MRTFA: variants seen among roughly 807,000 people sequenced by gnomAD.
The protein encoded by MRTFA is myocardin related transcription factor A.
Under a neutral mutation model 83.5 loss-of-function variants are expected in MRTFA, and 20 were observed. The ratio of observed to expected loss-of-function variants is 0.24; its 90% CI spans 0.17 to 0.35. MRTFA has a LOEUF of 0.35. Among genes scored for constraint, MRTFA ranks in the 10% least tolerant of loss-of-function variants. The pLI is 1.00. For missense variants in MRTFA, 1,200 were observed against 1,224.7 expected (o/e 0.98, Z 0.30); for synonymous variants, 659 against 541.2 (o/e 1.22, Z -3.02).
At chr22:40,422,795 G>C (rs1057497358) in intron 9 of MRTFA, among the ~76,000 whole-genome samples, 3 of 152,228 alleles carry the variant, frequency 2.0e-5, no homozygotes, top group Non-Finnish European at 4.4e-5. Context: ...GCTGCAGACT[G>C]TCAGCCTCTC....
chr22:40,550,630 A>T (rs2055429502), intron 3 of MRTFA, among the ~76,000 whole-genome samples: 1 of 152,130 alleles, frequency 6.6e-6, no homozygotes, highest in South Asian at 2.1e-4. Flanking sequence ...AGAACACATA[A>T]TTTTCTCTCA....
intron 2 of MRTFA, among the ~76,000 whole-genome samples, chr22:40,592,198 G>A (rs150409981): frequency 3.4e-5 from 5 of 149,130 alleles, no homozygotes; most frequent in African/African-American, 7.4e-5. Context: ...GGAGGCCGGG[G>A]TAGGAGAATT....
intron 7 of MRTFA, 61 bp downstream of exon 7, chr22:40,429,545 G>C: frequency 6.3e-7 from 1 of 1,595,488 alleles, no homozygotes; most frequent in East Asian, 2.2e-5. Flanking sequence ...CTTCAGCCTG[G>C]CACTCCCTCC....
intron 1 of MRTFA, among the ~76,000 whole-genome samples, chr22:40,598,635 G>A (rs2056219964): frequency 6.6e-6 from 1 of 151,960 alleles, no homozygotes; most frequent in African/African-American, 2.4e-5. Context: ...TTCCCTAACT[G>A]GGAAGATTTT....
At chr22:40,569,097 A>C (rs945291357) in intron 2 of MRTFA, among the ~76,000 whole-genome samples, 3 of 152,316 alleles carry the variant, frequency 2.0e-5, no homozygotes, top group East Asian at 1.9e-4. Context: ...TATCAATAAG[A>C]AGCAGAAAAT....
chr22:40,417,593 C>G, intron 12 of MRTFA, 100 bp from the exon 13 acceptor site: 1 of 775,692 alleles, frequency 1.3e-6, no homozygotes. Context: ...GGGCCTCTCA[C>G]ACTCTAGGAG....
chr22:40,533,902 T>TCCTC (rs2055124150), intron 3 of MRTFA: 1 of 329,440 alleles, frequency 3.0e-6, no homozygotes. Flanking sequence ...GTGAGCAAGC[T>TCCTC]CCTCCCCTTG....
At chr22:40,585,156 C>A (rs760011469) in intron 2 of MRTFA, among the ~76,000 whole-genome samples, 2 of 152,224 alleles carry the variant, frequency 1.3e-5, no homozygotes, top group Non-Finnish European at 1.5e-5. Flanking sequence ...GAAGAGGAAA[C>A]AAGGCAGTCC....
At chr22:40,594,181 A>C (rs1602474228) in intron 2 of MRTFA, among the ~76,000 whole-genome samples, 1 of 152,362 alleles carries the variant, frequency 6.6e-6, no homozygotes, top group East Asian at 1.9e-4. Context: ...ATCAGTAACA[A>C]AATTTACAGT....
intron 4 of MRTFA, among the ~76,000 whole-genome samples, chr22:40,435,930 G>A (rs1477832460): frequency 1.4e-5 from 2 of 139,608 alleles, no homozygotes; most frequent in African/African-American, 2.8e-5. Flanking sequence ...GCGAGAAACC[G>A]TCCCCCAAAA....
chr22:40,505,638 C>A (rs1183165220), intron 3 of MRTFA, among the ~76,000 whole-genome samples: 1 of 152,178 alleles, frequency 6.6e-6, no homozygotes, highest in Non-Finnish European at 1.5e-5. Context: ...TATGAGGGAA[C>A]CTCCCTCATG....
chr22:40,630,410 G>C (rs2056629722), intron 1 of MRTFA, among the ~76,000 whole-genome samples: 2 of 152,000 alleles, frequency 1.3e-5, no homozygotes, highest in Non-Finnish European at 2.9e-5. Flanking sequence ...CAAAACAAAA[G>C]AAACAAACAA....
At chr22:40,422,977 G>GT (rs958449062) in intron 9 of MRTFA, among the ~76,000 whole-genome samples, 1 of 152,194 alleles carries the variant, frequency 6.6e-6, no homozygotes, top group African/African-American at 2.4e-5. Context: ...TGAGATCCTG[G>GT]TGGCCAGGCA....
Position 40,418,972 on chromosome 22 carries a change from A to C in MRTFA, c.1766T>G (p.Leu589Arg), listed in dbSNP as rs1184291509. 6.2e-7 allele frequency: 1 copy of C among 1,612,798 alleles called. No individual in the cohort carries two copies. ...GAGGATCTGCAGTGGCGAGGCCTGCAGGGTCAGCTGCGTCAGAGGTGATGT... is the reference window on the plus strand; with the variant it reads ...GAGGATCTGCAGTGGCGAGGCCTGCCGGGTCAGCTGCGTCAGAGGTGATGT... Residue 589 changes from leucine (L) to arginine (R), a missense_variant, in exon 12 of 15, where the codon CTG becomes CGG. Around this residue, in one of 2 missense-constraint regions of MRTFA, gnomAD observed 1,107 missense variants for 1,041.8 expected, o/e 1.06. Coordinates refer to ENST00000355630, the MANE Select transcript of MRTFA (RefSeq NM_020831.6).
rs2055935615 is a variant in MRTFA at position 40,580,746 on chromosome 22, T to C, written c.-22+13928A>G. 2.6e-5 allele frequency among the ~76,000 whole-genome samples: 4 copies of C among 152,168 alleles called. No individual in the cohort carries two copies. The South Asian group carries it at 8.3e-4, about 32-fold the overall frequency. The stretch of plus-strand genomic sequence containing the variant: ...TCTTAAAACAATTTTGTAGCATACA[T>C]ATGTTTTCCTTAGACAACACAGTAT... On this transcript the variant is annotated intron_variant, in intron 2 of 14. Transcript: ENST00000355630.
chr22:40,567,440 T>A (rs2055722378), intron 2 of MRTFA, among the ~76,000 whole-genome samples: 1 of 152,220 alleles, frequency 6.6e-6, no homozygotes, highest in Non-Finnish European at 1.5e-5. Context: ...GAGACCTGAA[T>A]AAATTTAAAT....
chr22:40,556,107 G>A (rs973418753), intron 2 of MRTFA, among the ~76,000 whole-genome samples: 1 of 150,180 alleles, frequency 6.7e-6, no homozygotes, highest in Non-Finnish European at 1.5e-5. Context: ...CTGTTTGATT[G>A]GACAATGAAA....
chr22:40,459,058 G>A (rs1307716455), intron 4 of MRTFA, among the ~76,000 whole-genome samples: 1 of 149,876 alleles, frequency 6.7e-6, no homozygotes, highest in Non-Finnish European at 1.5e-5. Flanking sequence ...CTCGGCGACA[G>A]AGTGAGACTT....
rs762900332 is a variant in MRTFA at position 40,418,737 on chromosome 22, G to A, written c.2001C>T (p.Ala667=). Reference sequence around the variant, plus strand: ...TCACGGGGGTGCCGAGGGGGGCGGGGGCGGGGGCGGGCTGCTGGGCTCGCT... The same window carrying A: ...TCACGGGGGTGCCGAGGGGGGCGGGAGCGGGGGCGGGCTGCTGGGCTCGCT... Residue 667 remains alanine, a synonymous_variant, in exon 12 of 15, where the codon GCC becomes GCT. Coordinates refer to ENST00000355630, the MANE Select transcript of MRTFA (RefSeq NM_020831.6). 1 of 1,471,840 alleles carries A rather than the reference G, an allele frequency of 6.8e-7. No individual in the cohort carries two copies. Among genetic ancestry groups the A allele is most frequent in the South Asian group, 1.3e-5 (1 of 75,658 alleles). The allele number at this position is 1,471,840 out of a possible 1,614,324, so 91.2% of individuals were successfully genotyped here.
Sources: gnomAD v4.1 joint callset for allele counts (sites outside exome capture counted in the v4.1 genomes callset) on GRCh38, gnomAD v4.1.1 for gene constraint, gnomAD v4.1.1 regional missense constraint, MANE v1.5 for transcripts, NCBI Gene and HGNC (gene_info 2026-07-23, HGNC 2026-07-21) for gene names.